The following RALGAPA2 variants were observed in gnomAD, a reference collection of about 807,000 sequenced individuals.
The protein encoded by RALGAPA2 is ral GTPase-activating protein subunit alpha-2.
Under a neutral mutation model 230.4 loss-of-function variants are expected in RALGAPA2, and 139 were observed. The ratio of observed to expected loss-of-function variants is 0.60; its 90% CI spans 0.53 to 0.69. The LOEUF (loss-of-function observed/expected upper bound fraction) is 0.69, where lower values mean the gene tolerates loss of function less well. Ranked by LOEUF, RALGAPA2 falls within the 30% of genes least tolerant of loss-of-function variation. The probability of loss-of-function intolerance (pLI) is 0.00; values close to 1 mark genes in which losing one functional copy is unlikely to be tolerated. For synonymous variants in RALGAPA2, 847 were observed against 837.8 expected (o/e 1.01, Z -0.19); for missense variants, 2,163 against 2,276.0 (o/e 0.95, Z 1.01).
At chr20:20,684,485 C>A (rs1284701433) in intron 1 of RALGAPA2, among the ~76,000 whole-genome samples, 3 of 152,182 alleles carry the variant, frequency 2.0e-5, no homozygotes, top group Non-Finnish European at 4.4e-5. Flanking sequence ...GTCCAGGTAA[C>A]AACCACCTTT....
At chr20:20,694,990 G>T (rs1266498407) in intron 1 of RALGAPA2, among the ~76,000 whole-genome samples, 2 of 152,104 alleles carry the variant, frequency 1.3e-5, no homozygotes, top group Non-Finnish European at 2.9e-5. Flanking sequence ...CTGTTTTGGG[G>T]GGTACTTCCA....
At chr20:20,678,064 T>A (rs2068397086) in intron 2 of RALGAPA2, among the ~76,000 whole-genome samples, 1 of 152,110 alleles carries the variant, frequency 6.6e-6, no homozygotes, top group African/African-American at 2.4e-5. Flanking sequence ...CAGGTGAGGA[T>A]ATCAGGAGTT....
intron 26 of RALGAPA2, among the ~76,000 whole-genome samples, chr20:20,535,080 G>A (rs2063465353): frequency 6.6e-6 from 1 of 152,212 alleles, no homozygotes; most frequent in Admixed American, 6.5e-5. Context: ...ATGATGGGCT[G>A]CTGTCTTGGA....
intron 12 of RALGAPA2, among the ~76,000 whole-genome samples, chr20:20,618,657 G>A (rs2066226551): frequency 6.6e-6 from 1 of 152,072 alleles, no homozygotes; most frequent in Non-Finnish European, 1.5e-5. Flanking sequence ...CAGTGAGCAG[G>A]GAATGAGAGG....
At chr20:20,551,008 A>T (rs1468502976) in intron 23 of RALGAPA2, among the ~76,000 whole-genome samples, 1 of 152,210 alleles carries the variant, frequency 6.6e-6, no homozygotes, top group Non-Finnish European at 1.5e-5. Context: ...ATCGCACATT[A>T]CCCCAGAAAT....
chr20:20,456,843 T>C (rs1345244237), intron 37 of RALGAPA2, among the ~76,000 whole-genome samples: 1 of 152,158 alleles, frequency 6.6e-6, no homozygotes, highest in Admixed American at 6.5e-5. Flanking sequence ...AGTTCCTTTT[T>C]TTTTTTAAGT....
Position 20,635,601 on chromosome 20 carries a change from T to C in RALGAPA2, c.822A>G (p.Arg274=). 6.4e-7 allele frequency: 1 copy of C among 1,556,020 alleles called. No individual in the cohort carries two copies. Among genetic ancestry groups the C allele is most frequent in the Non-Finnish European group, 8.6e-7 (1 of 1,158,566 alleles). Reference sequence around the variant, plus strand: ...TGGTAGTAATGTACACAGGCTTTGGTCTCAAATGGGGGATGTCTGGTAGAA... The same window carrying C: ...TGGTAGTAATGTACACAGGCTTTGGCCTCAAATGGGGGATGTCTGGTAGAA... ...YKPVLDIPHL[R]PKPVYITTTR... is the part of the protein sequence containing the mutation. The change falls in exon 9 of 40, where the codon AGA becomes AGG. Residue 274 remains arginine (R), a synonymous_variant. Transcript: ENST00000202677.
intron 26 of RALGAPA2, among the ~76,000 whole-genome samples, chr20:20,534,553 C>CA (rs964337431): frequency 1.9e-3 from 258 of 137,856 alleles, no homozygotes; most frequent in East Asian, 2.7e-3. Flanking sequence ...TCAGTACTGT[C>CA]AAAAAAAAAA....
At chr20:20,529,706 TC>T (rs1161324866) in intron 27 of RALGAPA2, among the ~76,000 whole-genome samples, 5 of 152,212 alleles carry the variant, frequency 3.3e-5, no homozygotes, top group African/African-American at 1.2e-4. Flanking sequence ...CAACAGGCCA[TC>T]CCACACAGTC....
At chr20:20,489,478 A>G (rs1197105536) in intron 36 of RALGAPA2, among the ~76,000 whole-genome samples, 2 of 152,116 alleles carry the variant, frequency 1.3e-5, no homozygotes, top group African/African-American at 4.8e-5. Context: ...AAAATATTCT[A>G]TATAAAAAAA....
At chr20:20,693,547 T>C (rs1239142484) in intron 1 of RALGAPA2, among the ~76,000 whole-genome samples, 1 of 152,138 alleles carries the variant, frequency 6.6e-6, no homozygotes, top group Non-Finnish European at 1.5e-5. Context: ...GCCTAGGAGC[T>C]GTAGTCACCT....
rs910173942 is a variant in RALGAPA2, at chr20:20,524,402, T to C, written c.3900+4A>G. On this transcript the variant is annotated splice_donor_region_variant and intron_variant, in intron 30 of 39. Transcript: ENST00000202677. Reference sequence around the variant, plus strand: ...CATTCCCCCAGGCCCAGGTGTAGACTCACCCTGTAGATATAATCCAGCAAG... The same window carrying C: ...CATTCCCCCAGGCCCAGGTGTAGACCCACCCTGTAGATATAATCCAGCAAG... 3.7e-6 allele frequency: 6 copies of C among 1,613,466 alleles called. No individual in the cohort carries two copies. The highest frequency in any genetic ancestry group is 5.1e-6 in the Non-Finnish European group (6 of 1,179,620).
At chr20:20,494,295 A>C (rs1336829204) in intron 36 of RALGAPA2, among the ~76,000 whole-genome samples, 3 of 152,242 alleles carry the variant, frequency 2.0e-5, no homozygotes, top group Non-Finnish European at 2.9e-5. Flanking sequence ...ACTTGAAATG[A>C]AAATGAAGAT....
chr20:20,505,846 A>G (rs572847454), intron 33 of RALGAPA2, among the ~76,000 whole-genome samples: 1 of 152,270 alleles, frequency 6.6e-6, no homozygotes, highest in Admixed American at 6.5e-5. Context: ...CTGAGACCAT[A>G]CCCTCAGACA....
intron 37 of RALGAPA2, among the ~76,000 whole-genome samples, chr20:20,433,366 T>C (rs563397144): frequency 1.3e-5 from 2 of 152,220 alleles, no homozygotes; most frequent in African/African-American, 4.8e-5. Context: ...TCTCATACAA[T>C]ATCTTAAAAG....
intron 20 of RALGAPA2, among the ~76,000 whole-genome samples, chr20:20,579,437 T>TA (rs1176317260): frequency 6.6e-6 from 1 of 152,144 alleles, no homozygotes; most frequent in Non-Finnish European, 1.5e-5. Flanking sequence ...ACCAAGATGC[T>TA]AGATAACATT....
chr20:20,707,625 C>T lies in RALGAPA2; in HGVS notation c.106+4750G>A, dbSNP rs577607882. ...CAACATATGCACAAAAGGAACTATA[C>T]GACAATGCTATGTTTTGCTCTGTTT... On this transcript the variant is annotated intron_variant, in intron 1 of 39. Coordinates refer to ENST00000202677, the MANE Select transcript of RALGAPA2 (RefSeq NM_020343.4). Among the ~76,000 whole-genome samples the T allele has an allele frequency of 4.6e-5, 7 of 152,308 alleles. No individual in the cohort carries two copies. The South Asian group carries it at 8.3e-4, about 18-fold the overall frequency.
chr20:20,541,612 C>T (rs1362192977), intron 24 of RALGAPA2, among the ~76,000 whole-genome samples: 2 of 152,154 alleles, frequency 1.3e-5, no homozygotes, highest in South Asian at 2.1e-4. Context: ...GCCAGGACAG[C>T]TCAAGGTTTC....
chr20:20,443,830 C>G (rs2060798311), intron 37 of RALGAPA2, among the ~76,000 whole-genome samples: 1 of 152,256 alleles, frequency 6.6e-6, no homozygotes, highest in African/African-American at 2.4e-5. Flanking sequence ...CCACTATTCT[C>G]CCCTCTCAGA....
Sources: allele counts gnomAD v4.1 joint callset (sites outside exome capture counted in the v4.1 genomes callset), GRCh38; gene constraint gnomAD v4.1.1; transcripts MANE v1.5; gene names NCBI Gene and HGNC (gene_info 2026-07-23, HGNC 2026-07-21).